GRIN2B: variants seen among roughly 807,000 people sequenced by gnomAD.
GRIN2B encodes the protein glutamate receptor ionotropic, NMDA 2B.
In GRIN2B, 5 loss-of-function variants were observed where a neutral mutation model predicts 114.5. That is an observed-to-expected ratio of 0.04 (90% CI 0.02 to 0.09). GRIN2B has a LOEUF of 0.09. GRIN2B is among the 10% of genes least tolerant of loss of function. The pLI is 1.00. For missense variants in GRIN2B, 1,108 were observed against 1,943.5 expected (o/e 0.57, Z 8.08); for synonymous variants, 787 against 745.1 (o/e 1.06, Z -0.92).
Position 13,564,013 on chromosome 12 carries a change from G to T in GRIN2B, c.3225C>A (p.Gly1075=), listed in dbSNP as rs1193689091. 6.2e-7 allele frequency: 1 copy of T among 1,614,246 alleles called. No homozygotes were observed. Among genetic ancestry groups the T allele is most frequent in the South Asian group, 1.1e-5 (1 of 91,088 alleles). The part of the protein sequence containing the change: ...THTVTYGNIE[G]NAAKRRKQQY... ...GCTGCTTACGCCTCTTGGCGGCATT[G>T]CCCTCGATGTTCCCATAGGTGACGG... Residue 1075 remains glycine (G), a synonymous_variant, in exon 14 of 14, where the codon GGC becomes GGA. Coordinates refer to ENST00000609686, the MANE Select transcript of GRIN2B (RefSeq NM_000834.5). This position sits in a 1 kb window ranked among gnomAD's most constrained non-coding sequence, Gnocchi z 4.8.
Position 13,552,423 on chromosome 12 carries a change from T to C in GRIN2B, c.*10360A>G, listed in dbSNP as rs918775893. The C allele has an allele frequency of 2.0e-5, 3 of 152,194 alleles. No homozygotes were observed. The highest frequency in any genetic ancestry group is 4.8e-5 in the African/African-American group (2 of 41,446). 9.4% of individuals were successfully genotyped at this position (152,194 alleles called of 1,614,324 possible). ...CCTCACATGTCAGCTTCTGGCTTTA[T>C]TGGTGACACAAAAGGAAGCTCCAGT... On this transcript the variant is annotated 3_prime_UTR_variant, in exon 14 of 14. Coordinates refer to ENST00000609686, the MANE Select transcript of GRIN2B (RefSeq NM_000834.5).
At chr12:13,910,551 G>A (rs940670689) in intron 2 of GRIN2B, among the ~76,000 whole-genome samples, 8 of 152,128 alleles carry the variant, frequency 5.3e-5, no homozygotes, top group African/African-American at 1.9e-4. Context: ...CCACTGCTTT[G>A]GCTAAGGTCT....
At chr12:13,674,918 T>C (rs1565496232) in intron 5 of GRIN2B, among the ~76,000 whole-genome samples, 2 of 152,158 alleles carry the variant, frequency 1.3e-5, no homozygotes, top group African/African-American at 2.4e-5. Context: ...CCCAACCTTA[T>C]GTATCTGTAA....
intron 4 of GRIN2B, among the ~76,000 whole-genome samples, chr12:13,744,986 A>G (rs1295495254): frequency 6.6e-6 from 1 of 152,162 alleles, no homozygotes; most frequent in African/African-American, 2.4e-5. Context: ...CTTATCGGCC[A>G]CATCAGATCC....
At chr12:13,674,189 A>G (rs1326353296) in intron 5 of GRIN2B, among the ~76,000 whole-genome samples, 1 of 151,950 alleles carries the variant, frequency 6.6e-6, no homozygotes, top group Non-Finnish European at 1.5e-5. Context: ...GTGAGACCTC[A>G]TTTCTACCAA....
chr12:13,898,809 G>A (rs1284876062), intron 2 of GRIN2B, among the ~76,000 whole-genome samples: 1 of 152,220 alleles, frequency 6.6e-6, no homozygotes, highest in Non-Finnish European at 1.5e-5. Flanking sequence ...TACTCAGGAG[G>A]CTGAGGCAGA....
intron 2 of GRIN2B, among the ~76,000 whole-genome samples, chr12:13,963,689 C>T (rs1189426887): frequency 6.6e-6 from 1 of 152,194 alleles, no homozygotes; most frequent in Non-Finnish European, 1.5e-5. Context: ...AACTCAAGTC[C>T]CTTTGACATC....
intron 5 of GRIN2B, among the ~76,000 whole-genome samples, chr12:13,669,952 C>T (rs577739878): frequency 2.0e-5 from 3 of 152,098 alleles, no homozygotes; most frequent in African/African-American, 4.8e-5. Context: ...AGAGACACAG[C>T]GTCCCTTAGC....
intron 13 of GRIN2B, 108 bp downstream of exon 13, chr12:13,566,917 T>G: frequency 2.8e-5 from 23 of 814,934 alleles, no homozygotes; most frequent in Non-Finnish European, 3.3e-5. Context: ...GTTTCTTGCT[T>G]GAGCAACATG....
intron 10 of GRIN2B, among the ~76,000 whole-genome samples, chr12:13,573,443 T>A (rs538083103): frequency 6.7e-6 from 1 of 149,078 alleles, no homozygotes; most frequent in Non-Finnish European, 1.5e-5. Context: ...ACAGAGAGAC[T>A]CCGTCTCAAA....
intron 2 of GRIN2B, among the ~76,000 whole-genome samples, chr12:13,955,108 AC>A (rs1400369722): frequency 1.3e-5 from 2 of 152,182 alleles, no homozygotes; most frequent in African/African-American, 4.8e-5. Flanking sequence ...CATGCATTTA[AC>A]AAAACATCTT....
chr12:13,966,512 A>G (rs1441827408), intron 2 of GRIN2B, among the ~76,000 whole-genome samples: 1 of 152,344 alleles, frequency 6.6e-6, no homozygotes, highest in East Asian at 1.9e-4. Flanking sequence ...CTAAAAATTC[A>G]TGTTCTCTAA....
At chr12:13,591,127 C>G (rs1392527327) in intron 10 of GRIN2B, among the ~76,000 whole-genome samples, 1 of 152,144 alleles carries the variant, frequency 6.6e-6, no homozygotes, top group Non-Finnish European at 1.5e-5. Flanking sequence ...GCCCCTTCCA[C>G]ATCTTTTTTA....
intron 4 of GRIN2B, among the ~76,000 whole-genome samples, chr12:13,683,324 T>G (rs1288107563): frequency 6.6e-6 from 1 of 152,100 alleles, no homozygotes; most frequent in Non-Finnish European, 1.5e-5. Flanking sequence ...ACACTCATAC[T>G]GCAACAGGCA....
At chr12:13,575,303 A>AAAAC (rs1376795431) in intron 10 of GRIN2B, among the ~76,000 whole-genome samples, 15 of 152,204 alleles carry the variant, frequency 9.9e-5, no homozygotes, top group African/African-American at 3.4e-4. Flanking sequence ...TAAAGCTATT[A>AAAAC]AAACACTAAA....
intron 2 of GRIN2B, among the ~76,000 whole-genome samples, chr12:13,944,516 C>A (rs1446265906): frequency 6.6e-6 from 1 of 152,220 alleles, no homozygotes; most frequent in African/African-American, 2.4e-5. Context: ...CAGAGAGACA[C>A]TTACTGAGAT....
rs539468968 is a variant in GRIN2B, at chr12:13,668,768, CACA to C, written c.1125+6974_1125+6976del. Among the ~76,000 whole-genome samples the C allele has an allele frequency of 1.0e-3, 159 of 151,922 alleles. 1 individual carries two copies. The highest frequency in any genetic ancestry group is 2.0e-3 in the Admixed American group (30 of 15,238). On this transcript the variant is annotated intron_variant, in intron 5 of 13. Coordinates refer to ENST00000609686, the MANE Select transcript of GRIN2B (RefSeq NM_000834.5). ...CTTAGTTTATAGAAATGTTAAACATCACAACAAGCACTTTTTTTATTGCAATGT... is the reference window on the plus strand; with the variant it reads ...CTTAGTTTATAGAAATGTTAAACATCACAAGCACTTTTTTTATTGCAATGT...
Position 13,671,552 on chromosome 12 carries a change from T to G in GRIN2B, c.1125+4193A>C, listed in dbSNP as rs571494611. Among the ~76,000 whole-genome samples, 5 of 152,244 alleles carry G rather than the reference T, an allele frequency of 3.3e-5. 1 individual carries two copies. In the South Asian group the frequency reaches 1.0e-3, roughly 32 times the overall value. The stretch of plus-strand genomic sequence containing the variant: ...CCCGAGATGCCTTGTTAAAAGCTGG[T>G]CACACATGTATGACTCCACTGGGAG... On this transcript the variant is annotated intron_variant, in intron 5 of 13. Transcript: ENST00000609686.
chr12:13,978,897 C>T (rs964907825), intron 2 of GRIN2B, among the ~76,000 whole-genome samples: 8 of 152,200 alleles, frequency 5.3e-5, no homozygotes, highest in Non-Finnish European at 1.2e-4. Context: ...TTCTCAAGTA[C>T]ATTAAAATAC....
Sources: allele counts gnomAD v4.1 joint callset (sites outside exome capture counted in the v4.1 genomes callset), GRCh38; gene constraint gnomAD v4.1.1; non-coding constraint Gnocchi (gnomAD v3.1); transcripts MANE v1.5; gene names NCBI Gene and HGNC (gene_info 2026-07-23, HGNC 2026-07-21).